Variants in ERBB3 observed in about 807,000 individuals in gnomAD.
The protein encoded by ERBB3 is receptor tyrosine-protein kinase erbB-3.
Under a neutral mutation model 156.7 loss-of-function variants are expected in ERBB3, and 96 were observed. The ratio of observed to expected loss-of-function variants is 0.61; its 90% CI spans 0.52 to 0.73. The LOEUF (loss-of-function observed/expected upper bound fraction) is 0.73, where lower values mean the gene tolerates loss of function less well. ERBB3 is among the 30% of genes least tolerant of loss of function. The pLI, the probability that ERBB3 is intolerant of heterozygous loss-of-function variation, is 0.00. For missense variants in ERBB3, 1,406 were observed against 1,709.4 expected (o/e 0.82, Z 3.13); for synonymous variants, 567 against 632.0 (o/e 0.90, Z 1.54).
rs765878149 is a variant in ERBB3 at position 56,085,164 on chromosome 12, G to A, written c.404G>A (p.Arg135His). ...TNSSHALRQL[R>H]LTQLTEILSG... ...TCCAGCCACGCTCTGCGCCAGCTCC[G>A]CTTGACTCAGCTCACCGGTCAGTTC... The change falls in exon 3 of 28, where the codon CGC becomes CAC. Residue 135 changes from arginine to histidine, a missense_variant. Physicochemically the swap from Arg to His is conservative, Grantham distance 29. Around this residue, in one of 3 missense-constraint regions of ERBB3, gnomAD observed 979 missense variants for 1,219.6 expected, o/e 0.80. Transcript: ENST00000267101. 1.9e-5 allele frequency: 30 copies of A among 1,613,988 alleles called. No homozygotes were observed. The highest frequency in any genetic ancestry group is 4.5e-5 in the East Asian group (2 of 44,896).
chr12:56,094,007 G>A lies in ERBB3; in HGVS notation c.1614-92G>A, dbSNP rs1295963823. Reference sequence around the variant, plus strand: ...GACAGCTTTCTGCATGTGCCTTGGTGGGATTGAGGTAGGAGACCTGTGGTT... The same window carrying A: ...GACAGCTTTCTGCATGTGCCTTGGTAGGATTGAGGTAGGAGACCTGTGGTT... On this transcript the variant is annotated intron_variant, in intron 13 of 27. Coordinates refer to ENST00000267101, the MANE Select transcript of ERBB3 (RefSeq NM_001982.4). 3.2e-6 allele frequency: 5 copies of A among 1,562,634 alleles called. No homozygotes were observed. The African/African-American group carries it at 6.8e-5, about 21-fold the overall frequency.
chr12:56,102,111 G>T lies in ERBB3; in HGVS notation c.*56G>T. The T allele has an allele frequency of 1.3e-6, 2 of 1,497,410 alleles. No individual in the cohort carries two copies. Among genetic ancestry groups the T allele is most frequent in the Non-Finnish European group, 1.8e-6 (2 of 1,086,728 alleles). 92.8% of individuals were successfully genotyped at this position (1,497,410 alleles called of 1,614,324 possible). On this transcript the variant is annotated 3_prime_UTR_variant, in exon 28 of 28. Transcript: ENST00000267101. The stretch of plus-strand genomic sequence containing the variant: ...TTAATGGCAGCTAGTGCCTTTAGAG[G>T]GTACCGTCTTCTCCCTATTCCCTCT...
intron 2 of ERBB3, 47 bp downstream of exon 2, chr12:56,083,949 C>G (rs780636036): frequency 9.5e-6 from 15 of 1,575,770 alleles, no homozygotes; most frequent in Middle Eastern, 1.7e-4. Flanking sequence ...CTTTATTCTC[C>G]CCTAGAACCC....
In ERBB3 at chr12:56,103,363, G is replaced by T; in HGVS notation, c.*1308G>T. 9.1e-6 allele frequency: 2 copies of T among 219,190 alleles called. No homozygotes were observed. The highest frequency in any genetic ancestry group is 1.8e-5 in the Non-Finnish European group (2 of 109,192). 13.6% of individuals were successfully genotyped at this position (219,190 alleles called of 1,614,324 possible). On this transcript the variant is annotated 3_prime_UTR_variant, in exon 28 of 28. Transcript: ENST00000267101. The stretch of plus-strand genomic sequence containing the variant: ...TCATCCAGCAGTGAGAAGCTTCCAG[G>T]TAGGACAGAAAAAAGATCCAGCTTC...
Position 56,101,650 on chromosome 12 carries a change from A to G in ERBB3, c.3624A>G (p.Pro1208=). The G allele has an allele frequency of 6.2e-7, 1 of 1,613,870 alleles. No homozygotes were observed. Among genetic ancestry groups the G allele is most frequent in the Non-Finnish European group, 8.5e-7 (1 of 1,179,982 alleles). ...TGAACCGGAGGAGAAGGCACAGTCC[A>G]CCTCATCCCCCTAGGCCAAGTTCCC... The part of the protein sequence containing the change: ...EYMNRRRRHS[P]PHPPRPSSLE... The change falls in exon 28 of 28, where the codon CCA becomes CCG. Residue 1208 remains proline, a synonymous_variant. Transcript: ENST00000267101.
rs776943898 is a variant in ERBB3, at chr12:56,100,183, C to A, written c.3139C>A (p.Leu1047Ile). The A allele has an allele frequency of 6.2e-7, 1 of 1,613,960 alleles. No individual in the cohort carries two copies. The highest frequency in any genetic ancestry group is 8.5e-7 in the Non-Finnish European group (1 of 1,179,822). Reference sequence around the variant, plus strand: ...TATTTTTTCATCCTAGAGCCAGAGCCTTTTAAGTCCATCATCTGGATACAT... The same window carrying A: ...TATTTTTTCATCCTAGAGCCAGAGCATTTTAAGTCCATCATCTGGATACAT... ...TLNRPRGSQS[L>I]LSPSSGYMPM... is the part of the protein sequence containing the mutation. The change falls in exon 26 of 28, where the codon CTT becomes ATT. Residue 1047 changes from leucine to isoleucine, a missense_variant. Transcript: ENST00000267101.
At chr12:56,085,791 T>A (rs1450789570) in intron 3 of ERBB3, among the ~76,000 whole-genome samples, 1 of 131,852 alleles carries the variant, frequency 7.6e-6, no homozygotes, top group Non-Finnish European at 1.6e-5. Flanking sequence ...AAAAAAAGCC[T>A]GGGCGCGGTG....
In ERBB3 at chr12:56,101,097, C is replaced by T. The variant is rs373840207; in HGVS notation, c.3238C>T (p.Arg1080Cys). 3.7e-5 allele frequency: 59 copies of T among 1,613,988 alleles called. No individual in the cohort carries two copies. Among genetic ancestry groups the T allele is most frequent in the African/African-American group, 6.7e-5 (5 of 74,910 alleles). ...AVSGSSERCP[R>C]PVSLHPMPRG... is the part of the protein sequence containing the mutation. ...TTCTGGGAGCAGTGAACGGTGCCCC[C>T]GTCCAGTCTCTCTACACCCAATGCC... The change falls in exon 27 of 28, where the codon CGT becomes TGT. Residue 1080 changes from arginine to cysteine, a missense_variant. Physicochemically the swap from Arg to Cys is radical, Grantham distance 180. Around this residue, in one of 3 missense-constraint regions of ERBB3, gnomAD observed 415 missense variants for 454.1 expected, o/e 0.91. Coordinates refer to ENST00000267101, the MANE Select transcript of ERBB3 (RefSeq NM_001982.4).
At position 56,097,178 on chromosome 12, in the gene ERBB3, G is replaced by A. The variant is rs770976516; in HGVS notation, c.2408G>A (p.Arg803Gln). The A allele has an allele frequency of 2.3e-5, 37 of 1,613,862 alleles. No homozygotes were observed. In the Admixed American group the frequency reaches 2.5e-4, roughly 11 times the overall value. The change falls in exon 20 of 28, where the codon CGG becomes CAG. Residue 803 changes from arginine (R) to glutamine (Q), a missense_variant. Physicochemically the swap from Arg to Gln is conservative, Grantham distance 43 (BLOSUM62 1). This residue lies in a region of ERBB3 where 979 missense variants were observed against 1,219.6 expected (regional missense o/e 0.80). Coordinates refer to ENST00000267101, the MANE Select transcript of ERBB3 (RefSeq NM_001982.4). ...GSLLDHVRQH[R>Q]GALGPQLLLN... The stretch of plus-strand genomic sequence containing the variant: ...CTGCTGGATCATGTGAGACAACACC[G>A]GGGGGCACTGGGGCCACAGCTGCTG...
Position 56,087,810 on chromosome 12 carries a change from G to C in ERBB3, c.629G>C (p.Cys210Ser), listed in dbSNP as rs2136793826. 1.9e-6 allele frequency: 3 copies of C among 1,613,980 alleles called. No individual in the cohort carries two copies. Among genetic ancestry groups the C allele is most frequent in the Non-Finnish European group, 2.5e-6 (3 of 1,179,920 alleles). The change falls in exon 6 of 28, where the codon TGT becomes TCT. Residue 210 changes from cysteine to serine, a missense_variant. Cys to Ser is a moderately radical substitution (Grantham distance 112). Transcript: ENST00000267101. The stretch of plus-strand genomic sequence containing the variant: ...CCTTCCATAGTGACCAAGACCATCT[G>C]TGCTCCTCAGTGTAATGGTCACTGC... Reference protein sequence around the residue: ...EDCQTLTKTICAPQCNGHCFG... With the variant: ...EDCQTLTKTISAPQCNGHCFG...
rs1279836491 is a variant in ERBB3 at position 56,099,960 on chromosome 12, C to T, written c.3060C>T (p.Asp1020=). ...DLDLDLEAEE[D]NLATTTLGSA... ...ACCTAGACTTGGAAGCAGAGGAGGA[C>T]AACCTGGCAACCACCACACTGGGCT... Residue 1020 remains aspartate (D), a synonymous_variant, in exon 25 of 28, where the codon GAC becomes GAT. Coordinates refer to ENST00000267101, the MANE Select transcript of ERBB3 (RefSeq NM_001982.4). The T allele has an allele frequency of 6.2e-7, 1 of 1,614,182 alleles. No homozygotes were observed. Among genetic ancestry groups the T allele is most frequent in the South Asian group, 1.1e-5 (1 of 91,076 alleles).
At chr12:56,099,064 T>G (rs535457958) in intron 23 of ERBB3, 159 bp downstream of exon 23, 2 of 678,240 alleles carry the variant, frequency 2.9e-6, no homozygotes, top group African/African-American at 1.8e-5. Flanking sequence ...GTTCAAGAGA[T>G]TCTCCTGCTT....
rs748825294 is a variant in ERBB3, at chr12:56,093,847, A to T, written c.1564A>T (p.Asn522Tyr). The change falls in exon 13 of 28, where the codon AAT becomes TAT. Residue 522 changes from asparagine to tyrosine, a missense_variant. Around this residue, in one of 3 missense-constraint regions of ERBB3, gnomAD observed 979 missense variants for 1,219.6 expected, o/e 0.80. Coordinates refer to ENST00000267101, the MANE Select transcript of ERBB3 (RefSeq NM_001982.4). ...CCCTGGTCAGTGCTTGTCCTGTCGA[A>T]ATTATAGCCGAGGAGGTGTCTGTGT... is the stretch of plus-strand genomic sequence containing the variant. Reference protein sequence around the residue: ...PGPGQCLSCRNYSRGGVCVTH... With the variant: ...PGPGQCLSCRYYSRGGVCVTH... The T allele has an allele frequency of 3.1e-6, 5 of 1,613,854 alleles. No homozygotes were observed. In the Admixed American group the frequency reaches 6.7e-5, roughly 22 times the overall value.
chr12:56,093,845 G>A lies in ERBB3; in HGVS notation c.1562G>A (p.Arg521Gln), dbSNP rs779911233. 40 of 1,613,134 alleles carry A rather than the reference G, an allele frequency of 2.5e-5. No homozygotes were observed. Among genetic ancestry groups the A allele is most frequent in the East Asian group, 1.1e-4 (5 of 44,862 alleles). Residue 521 changes from arginine (R) to glutamine (Q), a missense_variant, in exon 13 of 28, where the codon CGA (arginine) becomes CAA (glutamine). By Grantham distance (43) the Arg-to-Gln change is conservative. This residue lies in a region of ERBB3 where 979 missense variants were observed against 1,219.6 expected (regional missense o/e 0.80). Coordinates refer to ENST00000267101, the MANE Select transcript of ERBB3 (RefSeq NM_001982.4). ...GPGPGQCLSCRNYSRGGVCVT... is the reference protein window; with the variant it reads ...GPGPGQCLSCQNYSRGGVCVT... ...GGCCCTGGTCAGTGCTTGTCCTGTCGAAATTATAGCCGAGGAGGTGTCTGT... is the reference window on the plus strand; with the variant it reads ...GGCCCTGGTCAGTGCTTGTCCTGTCAAAATTATAGCCGAGGAGGTGTCTGT...
In ERBB3 at chr12:56,102,829, A is replaced by AC. The variant is rs1441165930; in HGVS notation, c.*774_*775insC. 23 of 215,438 alleles carry AC rather than the reference A, an allele frequency of 1.1e-4. No homozygotes were observed. Among genetic ancestry groups the AC allele is most frequent in the African/African-American group, 5.2e-4 (23 of 43,994 alleles). 13.3% of individuals were successfully genotyped at this position (215,438 alleles called of 1,614,324 possible). Reference sequence around the variant, plus strand: ...TTTAAAAAAAAAAAAAAAAAAAAAAAAAAAACTTTAGAACTGGGTGCAGTG... The same window carrying AC: ...TTTAAAAAAAAAAAAAAAAAAAAAAACAAAAACTTTAGAACTGGGTGCAGTG... On this transcript the variant is annotated 3_prime_UTR_variant, in exon 28 of 28. Coordinates refer to ENST00000267101, the MANE Select transcript of ERBB3 (RefSeq NM_001982.4).
intron 1 of ERBB3, among the ~76,000 whole-genome samples, chr12:56,083,093 C>G (rs1215986811): frequency 6.6e-6 from 1 of 152,110 alleles, no homozygotes; most frequent in African/African-American, 2.4e-5. Context: ...CCAGCACTGC[C>G]AGAGCTCCCC....
chr12:56,098,861 A>C lies in ERBB3; in HGVS notation c.2795A>C (p.Gln932Pro), dbSNP rs762765641. 1 of 1,614,044 alleles carries C rather than the reference A, an allele frequency of 6.2e-7. No individual in the cohort carries two copies. Among genetic ancestry groups the C allele is most frequent in the Non-Finnish European group, 8.5e-7 (1 of 1,179,954 alleles). Residue 932 changes from glutamine (Q) to proline (P), a missense_variant, in exon 23 of 28, where the codon CAG becomes CCG. Coordinates refer to ENST00000267101, the MANE Select transcript of ERBB3 (RefSeq NM_001982.4). Reference sequence around the variant, plus strand: ...CTAGAGAAGGGGGAGCGGTTGGCACAGCCCCAGATCTGCACAATTGATGTC... The same window carrying C: ...CTAGAGAAGGGGGAGCGGTTGGCACCGCCCCAGATCTGCACAATTGATGTC... Reference protein sequence around the residue: ...DLLEKGERLAQPQICTIDVYM... With the variant: ...DLLEKGERLAPPQICTIDVYM...
chr12:56,089,869 G>A (rs930900693), intron 9 of ERBB3, among the ~76,000 whole-genome samples: 4 of 149,530 alleles, frequency 2.7e-5, no homozygotes, highest in Admixed American at 6.7e-5. Flanking sequence ...CATTTAAAAT[G>A]TGTGTGTGTG....
chr12:56,101,162 A>C lies in ERBB3; in HGVS notation c.3303A>C (p.Val1101=), dbSNP rs1397320504. ...CATCAGAGTCATCAGAGGGGCATGT[A>C]ACAGGCTCTGAGGCTGAGCTCCAGG... is the stretch of plus-strand genomic sequence containing the variant. ...CLASESSEGH[V]TGSEAELQEK... Residue 1101 remains valine (V), a synonymous_variant, in exon 27 of 28, where the codon GTA becomes GTC. Transcript: ENST00000267101. The C allele has an allele frequency of 6.2e-7, 1 of 1,614,124 alleles. No individual in the cohort carries two copies. Among genetic ancestry groups the C allele is most frequent in the Non-Finnish European group, 8.5e-7 (1 of 1,180,018 alleles).
Sources: allele counts gnomAD v4.1 joint callset (sites outside exome capture counted in the v4.1 genomes callset), GRCh38; gene constraint gnomAD v4.1.1; regional missense constraint gnomAD v4.1.1; transcripts MANE v1.5; gene names NCBI Gene and HGNC (gene_info 2026-07-23, HGNC 2026-07-21).